Variants in UNC79 observed in about 807,000 individuals in gnomAD.
UNC79 encodes unc-79 subunit of NALCN channel complex, also known as protein unc-79 homolog.
A neutral mutation model predicts 283.1 loss-of-function variants in UNC79; 37 were observed. The ratio of observed to expected loss-of-function variants is 0.13; its 90% CI spans 0.10 to 0.17. The LOEUF is 0.17. UNC79 is among the 10% of genes least tolerant of loss of function. The probability of loss-of-function intolerance (pLI) is 1.00; values close to 1 mark genes in which losing one functional copy is unlikely to be tolerated. For synonymous variants in UNC79, 1,107 were observed against 1,200.2 expected (o/e 0.92, Z 1.61); for missense variants, 2,272 against 3,211.1 (o/e 0.71, Z 7.07).
chr14:93,506,673 A>G (rs1480266248), intron 7 of UNC79, among the ~76,000 whole-genome samples: 1 of 152,060 alleles, frequency 6.6e-6, no homozygotes, highest in Non-Finnish European at 1.5e-5. Context: ...GGAGGGGTTC[A>G]TAGGACTTGA....
intron 38 of UNC79, among the ~76,000 whole-genome samples, chr14:93,656,413 TG>T (rs1215127186): frequency 6.6e-6 from 1 of 151,654 alleles, no homozygotes; most frequent in Non-Finnish European, 1.5e-5. Context: ...GAGAGCAGTC[TG>T]GGGAGCATGG....
intron 1 of UNC79, among the ~76,000 whole-genome samples, chr14:93,417,271 T>C (rs1266960139): frequency 1.3e-5 from 2 of 151,858 alleles, no homozygotes; most frequent in Admixed American, 6.6e-5. Context: ...TATTTCTCCT[T>C]CACTTATGAA....
chr14:93,684,602 A>G (rs1566920816), intron 42 of UNC79, among the ~76,000 whole-genome samples: 1 of 152,318 alleles, frequency 6.6e-6, no homozygotes, highest in Admixed American at 6.5e-5. Context: ...TAAACATTAT[A>G]TGTATGTGTG....
At chr14:93,511,699 C>T (rs1354833607) in intron 7 of UNC79, among the ~76,000 whole-genome samples, 2 of 152,138 alleles carry the variant, frequency 1.3e-5, no homozygotes, top group Non-Finnish European at 2.9e-5. Context: ...CCTGCCTTCA[C>T]CTCCCAAAGT....
chr14:93,441,892 C>T (rs143501338), intron 1 of UNC79, among the ~76,000 whole-genome samples: 2 of 152,170 alleles, frequency 1.3e-5, no homozygotes, highest in African/African-American at 4.8e-5. Flanking sequence ...TTGTCTTAAT[C>T]GCCATTTCTA....
chr14:93,347,975 A>C, intron 1 of UNC79: 1 of 1,089,268 alleles, frequency 9.2e-7, no homozygotes. Context: ...TTAGGCAGCA[A>C]GTCACTGGCC....
At chr14:93,444,120 GTC>G (rs2056394918) in intron 1 of UNC79, among the ~76,000 whole-genome samples, 2 of 152,192 alleles carry the variant, frequency 1.3e-5, no homozygotes, top group African/African-American at 4.8e-5. Flanking sequence ...GGTATTCACA[GTC>G]TATTTAACTT....
At chr14:93,445,654 T>C (rs2056439159) in intron 1 of UNC79, among the ~76,000 whole-genome samples, 1 of 152,230 alleles carries the variant, frequency 6.6e-6, no homozygotes, top group African/African-American at 2.4e-5. Flanking sequence ...TCCTTTTCTA[T>C]AGTTTCTGAA....
chr14:93,491,366 A>G (rs1296509437), intron 5 of UNC79, among the ~76,000 whole-genome samples: 1 of 151,916 alleles, frequency 6.6e-6, no homozygotes, highest in African/African-American at 2.4e-5. Flanking sequence ...TAATCAAAAT[A>G]CTATATTTAT....
intron 1 of UNC79, among the ~76,000 whole-genome samples, chr14:93,355,951 C>T (rs2139925732): frequency 6.6e-6 from 1 of 152,042 alleles, no homozygotes; most frequent in Non-Finnish European, 1.5e-5. Flanking sequence ...ACCTGCCCAT[C>T]TCCTGTGTTC....
intron 22 of UNC79, among the ~76,000 whole-genome samples, chr14:93,590,084 T>G (rs2064545870): frequency 6.6e-6 from 1 of 152,182 alleles, no homozygotes; most frequent in Non-Finnish European, 1.5e-5. Flanking sequence ...CCACATGGTC[T>G]TCTTCCCTGT....
chr14:93,516,677 C>T (rs2060079209), intron 7 of UNC79, among the ~76,000 whole-genome samples: 1 of 151,948 alleles, frequency 6.6e-6, no homozygotes, highest in South Asian at 2.1e-4. Flanking sequence ...AAACTCCTGA[C>T]CTCAGGGTGA....
At chr14:93,403,964 TAAAG>T (rs2055164058) in intron 1 of UNC79, among the ~76,000 whole-genome samples, 2 of 151,334 alleles carry the variant, frequency 1.3e-5, no homozygotes, top group South Asian at 2.1e-4. Context: ...TGCAGATACA[TAAAG>T]AAAGAGTAGG....
intron 16 of UNC79, 56 bp downstream of exon 16, chr14:93,572,872 T>C: frequency 6.3e-7 from 1 of 1,591,502 alleles, no homozygotes; most frequent in East Asian, 2.2e-5. Flanking sequence ...TTATAAGCTT[T>C]AGATCCCTGG....
intron 14 of UNC79, among the ~76,000 whole-genome samples, chr14:93,570,797 A>G (rs767581423): frequency 7.9e-5 from 12 of 152,162 alleles, no homozygotes; most frequent in Non-Finnish European, 1.5e-4. Flanking sequence ...CTGGCCACTG[A>G]CAATTTAGGG....
intron 7 of UNC79, among the ~76,000 whole-genome samples, chr14:93,519,987 T>G (rs911751435): frequency 6.6e-6 from 1 of 151,962 alleles, no homozygotes; most frequent in Non-Finnish European, 1.5e-5. Flanking sequence ...ATACTTACCA[T>G]GTCCAACACT....
chr14:93,549,168 A>C (rs549120692), intron 14 of UNC79, among the ~76,000 whole-genome samples: 9 of 151,768 alleles, frequency 5.9e-5, no homozygotes, highest in Admixed American at 5.9e-4. Context: ...AATACCTGCC[A>C]TTTAATTTAA....
chr14:93,435,934 C>T (rs2056070678), intron 1 of UNC79, among the ~76,000 whole-genome samples: 1 of 152,180 alleles, frequency 6.6e-6, no homozygotes, highest in African/African-American at 2.4e-5. Context: ...GAAACCTTGC[C>T]TGATTGCCAC....
chr14:93,431,077 C>T (rs1305706582), intron 1 of UNC79, 26 bp downstream of exon 1: 2 of 697,448 alleles, frequency 2.9e-6, no homozygotes, highest in Non-Finnish European at 2.6e-6. Flanking sequence ...CCCGGCATTC[C>T]GGCCCGGCCT....
Sources: gnomAD v4.1 joint callset for allele counts (sites outside exome capture counted in the v4.1 genomes callset) on GRCh38, gnomAD v4.1.1 for gene constraint, MANE v1.5 for transcripts, NCBI Gene and HGNC (gene_info 2026-07-23, HGNC 2026-07-21) for gene names.